The following WWC2 variants were observed in gnomAD, a reference collection of about 807,000 sequenced individuals.
WWC2 encodes the protein WW and C2 domain containing 2.
In WWC2, 101 loss-of-function variants were observed where a neutral mutation model predicts 138.5. The ratio of observed to expected loss-of-function variants is 0.73; its 90% CI spans 0.62 to 0.86. WWC2 has a LOEUF of 0.86. WWC2 is among the 40% of genes least tolerant of loss of function. The probability of loss-of-function intolerance (pLI) is 0.00; values close to 1 mark genes in which losing one functional copy is unlikely to be tolerated. For missense variants in WWC2, 1,420 were observed against 1,419.4 expected, an observed-to-expected ratio of 1.00 and a Z score of -0.01; for synonymous variants, 558 against 538.4, an observed-to-expected ratio of 1.04 and a Z score of -0.50.
chr4:183,223,489 CCTGTAAACATTTCAG>C (rs1171859550), intron 4 of WWC2, among the ~76,000 whole-genome samples: 2 of 152,172 alleles, frequency 1.3e-5, no homozygotes, highest in Non-Finnish European at 2.9e-5. Context: ...GTATCATTCA[CCTGTAAACATTTCAG>C]CATGTATTTT....
chr4:183,215,131 C>T (rs1735719833), intron 4 of WWC2, among the ~76,000 whole-genome samples: 1 of 152,094 alleles, frequency 6.6e-6, no homozygotes, highest in South Asian at 2.1e-4. Flanking sequence ...TACAGCCATA[C>T]CTGTGATAAA....
chr4:183,245,414 A>G lies in WWC2; in HGVS notation c.603-2A>G. 6.5e-7 allele frequency: 1 copy of G among 1,544,468 alleles called. No homozygotes were observed. The highest frequency in any genetic ancestry group is 8.7e-7 in the Non-Finnish European group (1 of 1,153,838). ...TTTTTCTTTCTTTTTCTCTTTTCAC[A>G]GAATTGATAAAAAAATGTCTGGAGG... On this transcript the variant is annotated splice_acceptor_variant, in intron 5 of 22. Transcript: ENST00000403733. LOFTEE classifies it high-confidence loss of function.
At chr4:183,214,175 T>G (rs1324222711) in intron 4 of WWC2, among the ~76,000 whole-genome samples, 1 of 152,246 alleles carries the variant, frequency 6.6e-6, no homozygotes, top group African/African-American at 2.4e-5. Flanking sequence ...TTGGTTAAAC[T>G]ATTTGCACCG....
At chr4:183,184,810 T>C (rs1401926963) in intron 1 of WWC2, among the ~76,000 whole-genome samples, 2 of 152,240 alleles carry the variant, frequency 1.3e-5, no homozygotes, top group Admixed American at 6.5e-5. Flanking sequence ...CTTGAAGTTA[T>C]TTTCAAATTA....
At chr4:183,182,854 T>A (rs1470397238) in intron 1 of WWC2, among the ~76,000 whole-genome samples, 1 of 152,242 alleles carries the variant, frequency 6.6e-6, no homozygotes, top group Non-Finnish European at 1.5e-5. Context: ...TAAATGCATA[T>A]ACTATTACTT....
rs1314930051 is a variant in WWC2 at position 183,306,888 on chromosome 4, A to AAAAAAAAAC, written c.3385-5445_3385-5444insCAAAAAAAA. 1.3e-5 allele frequency among the ~76,000 whole-genome samples: 2 copies of AAAAAAAAAC among 151,532 alleles called. 1 individual carries two copies. Among genetic ancestry groups the AAAAAAAAAC allele is most frequent in the East Asian group, 3.9e-4 (2 of 5,190 alleles). The stretch of plus-strand genomic sequence containing the variant: ...CACCAACTATATATGAGGCAAAAAA[A>AAAAAAAAAC]AAAAAAAAACTACAAGGAGAAGTGG... On this transcript the variant is annotated intron_variant, in intron 21 of 22. Coordinates refer to ENST00000403733, the MANE Select transcript of WWC2 (RefSeq NM_024949.6).
At chr4:183,133,719 A>T (rs371287808) in intron 1 of WWC2, among the ~76,000 whole-genome samples, 1 of 150,958 alleles carries the variant, frequency 6.6e-6, no homozygotes, top group African/African-American at 2.4e-5. Context: ...CTGGTCTTGA[A>T]CTCCTCACCT....
chr4:183,250,605 A>G (rs1463381135), intron 8 of WWC2, among the ~76,000 whole-genome samples: 1 of 152,142 alleles, frequency 6.6e-6, no homozygotes, highest in African/African-American at 2.4e-5. Context: ...CTCAACAACA[A>G]CAACAAAAAA....
chr4:183,308,457 A>G, intron 21 of WWC2, among the ~76,000 whole-genome samples: 1 of 151,994 alleles, frequency 6.6e-6, no homozygotes, highest in East Asian at 1.9e-4. Context: ...ACGCTACCTG[A>G]CTTCAAGACT....
rs1246679531 is a variant in WWC2 at position 183,099,541 on chromosome 4, A to G, written c.50A>G (p.Glu17Gly). 6 of 1,409,906 alleles carry G rather than the reference A, an allele frequency of 4.3e-6. No individual in the cohort carries two copies. The allele number at this position is 1,409,906 out of a possible 1,614,324, so 87.3% of individuals were successfully genotyped here. A position where few individuals can be genotyped will look rare whatever the true frequency, so the allele number is the denominator to read the frequency against. ...CAGCTGCCGCTGCCCCGGGGCTGGG[A>G]GGAGGCCAGGGACTACGACGGCAAG... ...SGQLPLPRGW[E>G]EARDYDGKVF... The change falls in exon 1 of 23, where the codon GAG becomes GGG. Residue 17 changes from glutamate (E) to glycine (G), a missense_variant. Glu to Gly is a moderately conservative substitution (Grantham distance 98, BLOSUM62 -2). Coordinates refer to ENST00000403733, the MANE Select transcript of WWC2 (RefSeq NM_024949.6).
At chr4:183,247,042 AGAG>A (rs1736801657) in intron 6 of WWC2, among the ~76,000 whole-genome samples, 1 of 152,224 alleles carries the variant, frequency 6.6e-6, no homozygotes, top group South Asian at 2.1e-4. Flanking sequence ...TAGTAGATGC[AGAG>A]ATTGACAATA....
chr4:183,104,155 G>T (rs527537196), intron 1 of WWC2, among the ~76,000 whole-genome samples: 2 of 152,068 alleles, frequency 1.3e-5, no homozygotes, highest in Non-Finnish European at 2.9e-5. Context: ...AGTAGAGGTG[G>T]CGTTTCATCA....
At chr4:183,127,269 T>A (rs1246522329) in intron 1 of WWC2, among the ~76,000 whole-genome samples, 1 of 152,128 alleles carries the variant, frequency 6.6e-6, no homozygotes, top group Admixed American at 6.6e-5. Flanking sequence ...TTTCGAGGCA[T>A]TATATAAAAC....
chr4:183,243,035 C>T (rs1323592724), intron 5 of WWC2, among the ~76,000 whole-genome samples: 1 of 152,188 alleles, frequency 6.6e-6, no homozygotes, highest in African/African-American at 2.4e-5. Flanking sequence ...CTGTGTTCTT[C>T]ACATTTAGCA....
intron 1 of WWC2, among the ~76,000 whole-genome samples, chr4:183,185,135 A>G (rs890606965): frequency 6.6e-6 from 1 of 151,856 alleles, no homozygotes; most frequent in Non-Finnish European, 1.5e-5. Context: ...TCCTTCCCAA[A>G]TCTACTGAGT....
chr4:183,242,785 G>GA (rs903167340), intron 5 of WWC2, among the ~76,000 whole-genome samples: 21 of 151,724 alleles, frequency 1.4e-4, no homozygotes, highest in East Asian at 3.9e-4. Context: ...GAAATTTTAA[G>GA]AAAAAAAACA....
intron 1 of WWC2, among the ~76,000 whole-genome samples, chr4:183,123,539 C>T (rs1732670186): frequency 6.6e-6 from 1 of 152,052 alleles, no homozygotes; most frequent in South Asian, 2.1e-4. Context: ...ACCCCAGCAT[C>T]AGGATAGTGG....
intron 1 of WWC2, among the ~76,000 whole-genome samples, chr4:183,110,978 G>A (rs1247217834): frequency 6.6e-6 from 1 of 152,100 alleles, no homozygotes; most frequent in Non-Finnish European, 1.5e-5. Flanking sequence ...GGTGGCTCAC[G>A]CCTGTAATCC....
intron 4 of WWC2, among the ~76,000 whole-genome samples, chr4:183,212,129 A>T (rs928413244): frequency 6.6e-6 from 1 of 152,036 alleles, no homozygotes. Flanking sequence ...CCTCTTTTGG[A>T]TCTTTAACAC....
Sources: allele counts gnomAD v4.1 joint callset (sites outside exome capture counted in the v4.1 genomes callset), GRCh38; gene constraint gnomAD v4.1.1; transcripts MANE v1.5; gene names NCBI Gene and HGNC (gene_info 2026-07-23, HGNC 2026-07-21).